The following CDH12 variants were observed in gnomAD, a reference collection of about 807,000 sequenced individuals.
The protein encoded by CDH12 is cadherin 12.
A neutral mutation model predicts 74.1 loss-of-function variants in CDH12; 41 were observed. The ratio of observed to expected loss-of-function variants is 0.55; its 90% confidence interval spans 0.43 to 0.72. The LOEUF is 0.72. Ranked by LOEUF, CDH12 falls within the 30% of genes least tolerant of loss-of-function variation. CDH12 has a pLI of 0.00. For synonymous variants in CDH12, 399 were observed against 355.0 expected (o/e 1.12, Z -1.39); for missense variants, 945 against 977.2 (o/e 0.97, Z 0.44).
intron 3 of CDH12, among the ~76,000 whole-genome samples, chr5:22,267,399 T>C (rs1032811686): frequency 1.3e-5 from 2 of 152,160 alleles, no homozygotes; most frequent in Non-Finnish European, 2.9e-5. Context: ...GTGAATTGGT[T>C]ATTTGGTTTA....
intron 1 of CDH12, among the ~76,000 whole-genome samples, chr5:22,692,644 A>G (rs1474732138): frequency 6.6e-6 from 1 of 152,236 alleles, no homozygotes; most frequent in South Asian, 2.1e-4. Context: ...CTGACAATGC[A>G]TGCTACAGCA....
intron 1 of CDH12, among the ~76,000 whole-genome samples, chr5:22,542,896 T>C (rs1167621242): frequency 1.3e-5 from 2 of 152,148 alleles, no homozygotes; most frequent in Non-Finnish European, 2.9e-5. Context: ...AATAGGCAAA[T>C]AGTAATAAAT....
intron 4 of CDH12, among the ~76,000 whole-genome samples, chr5:22,192,822 G>A (rs1323021011): frequency 1.3e-5 from 2 of 152,292 alleles, no homozygotes; most frequent in East Asian, 1.9e-4. Flanking sequence ...GAACACAGCT[G>A]GGGAGGCTAC....
At chr5:22,776,254 A>C (rs868114851) in intron 1 of CDH12, among the ~76,000 whole-genome samples, 3 of 152,176 alleles carry the variant, frequency 2.0e-5, no homozygotes, top group Non-Finnish European at 2.9e-5. Context: ...AATAATTATA[A>C]AGCTCTGGGT....
intron 3 of CDH12, among the ~76,000 whole-genome samples, chr5:22,343,758 G>A (rs1430039841): frequency 1.3e-5 from 2 of 152,126 alleles, no homozygotes; most frequent in Non-Finnish European, 2.9e-5. Flanking sequence ...GATTTCCATG[G>A]TAATTAGAAA....
At chr5:22,383,006 G>A (rs1339981595) in intron 3 of CDH12, among the ~76,000 whole-genome samples, 1 of 151,954 alleles carries the variant, frequency 6.6e-6, no homozygotes, top group African/African-American at 2.4e-5. Context: ...CATTTTTTGT[G>A]TTTTTAGTAA....
Position 21,752,113 on chromosome 5 carries a change from G to T in CDH12, c.2009C>A (p.Thr670Asn). Residue 670 changes from threonine (T) to asparagine (N), a missense_variant, in exon 15 of 15, where the codon ACC (threonine) becomes AAC (asparagine). Physicochemically the swap from Thr to Asn is moderately conservative, Grantham distance 65. Around this residue, in one of 3 missense-constraint regions of CDH12, gnomAD observed 791 missense variants for 792.8 expected, o/e 1.00. Transcript: ENST00000382254. ...YDDEGGGEEDTQAFDIGALRN... is the reference protein window; with the variant it reads ...YDDEGGGEEDNQAFDIGALRN... ...CAGAGCCCCGATGTCGAAAGCCTGG[G>T]TATCTTCCTCCCCACCTCCTTCATC... 6.2e-7 allele frequency: 1 copy of T among 1,614,060 alleles called. No individual in the cohort carries two copies. The highest frequency in any genetic ancestry group is 8.5e-7 in the Non-Finnish European group (1 of 1,180,012).
intron 3 of CDH12, among the ~76,000 whole-genome samples, chr5:22,367,438 C>T (rs149307997): frequency 2.6e-5 from 4 of 152,172 alleles, no homozygotes; most frequent in Non-Finnish European, 4.4e-5. Context: ...TTTGTGTTTC[C>T]ACAAACATTT....
intron 3 of CDH12, among the ~76,000 whole-genome samples, chr5:22,247,069 TCA>T (rs1752971633): frequency 6.6e-6 from 1 of 152,226 alleles, no homozygotes; most frequent in Non-Finnish European, 1.5e-5. Flanking sequence ...TTTGGATTAC[TCA>T]CACTTAGGTA....
chr5:22,101,714 A>C (rs1392292785), intron 4 of CDH12, among the ~76,000 whole-genome samples: 1 of 152,212 alleles, frequency 6.6e-6, no homozygotes, highest in Non-Finnish European at 1.5e-5. Flanking sequence ...TTTATAAACT[A>C]AAAGAAGTAG....
intron 3 of CDH12, among the ~76,000 whole-genome samples, chr5:22,345,693 G>A (rs1230237340): frequency 6.6e-6 from 1 of 151,820 alleles, no homozygotes; most frequent in Non-Finnish European, 1.5e-5. Context: ...AAATTCATAT[G>A]TCTTCACTTT....
intron 5 of CDH12, among the ~76,000 whole-genome samples, chr5:22,070,054 C>G (rs145437038): frequency 5.9e-5 from 9 of 152,254 alleles, no homozygotes; most frequent in African/African-American, 1.9e-4. Context: ...ATAATCATTA[C>G]AAGTACTTCT....
chr5:22,810,236 T>G (rs1183716345), intron 1 of CDH12, among the ~76,000 whole-genome samples: 1 of 152,178 alleles, frequency 6.6e-6, no homozygotes. Context: ...ATCATTTTAG[T>G]ATTTTATTCA....
intron 1 of CDH12, among the ~76,000 whole-genome samples, chr5:22,667,105 G>C (rs1740664424): frequency 6.6e-6 from 1 of 152,178 alleles, no homozygotes; most frequent in African/African-American, 2.4e-5. Flanking sequence ...ATTAAGTAAT[G>C]AGCACTTTCT....
At chr5:22,377,989 G>T (rs903846846) in intron 3 of CDH12, among the ~76,000 whole-genome samples, 8 of 152,224 alleles carry the variant, frequency 5.3e-5, no homozygotes, top group Non-Finnish European at 8.8e-5. Flanking sequence ...GAGAAATATT[G>T]TTTTCAGGTT....
rs931176467 is a variant in CDH12 at position 22,029,604 on chromosome 5, C to G, written c.231+48842G>C. On this transcript the variant is annotated intron_variant, in intron 5 of 14. Transcript: ENST00000382254. Reference sequence around the variant, plus strand: ...GTTAGAATGGCAATCATTAAAAAGTCAGGAAACAACAGGTGATAGAGATGA... The same window carrying G: ...GTTAGAATGGCAATCATTAAAAAGTGAGGAAACAACAGGTGATAGAGATGA... 7.2e-5 allele frequency among the ~76,000 whole-genome samples: 11 copies of G among 152,092 alleles called. 1 individual carries two copies. Among genetic ancestry groups the G allele is most frequent in the Non-Finnish European group, 1.3e-4 (9 of 68,032 alleles).
intron 4 of CDH12, among the ~76,000 whole-genome samples, chr5:22,113,553 A>G (rs1744932199): frequency 6.6e-6 from 1 of 152,104 alleles, no homozygotes; most frequent in Non-Finnish European, 1.5e-5. Context: ...TTTCTGGACC[A>G]AACCAATGTA....
intron 2 of CDH12, among the ~76,000 whole-genome samples, chr5:22,441,338 G>A (rs1166752648): frequency 2.0e-5 from 3 of 152,122 alleles, no homozygotes; most frequent in South Asian, 2.1e-4. Context: ...ATATTTATCT[G>A]AAAGTGTGTT....
chr5:22,716,932 G>A (rs1278322865), intron 1 of CDH12, among the ~76,000 whole-genome samples: 1 of 152,052 alleles, frequency 6.6e-6, no homozygotes, highest in Non-Finnish European at 1.5e-5. Flanking sequence ...AGGATATAAA[G>A]GATATCATAT....
Sources: gnomAD v4.1 joint callset for allele counts (sites outside exome capture counted in the v4.1 genomes callset) on GRCh38, gnomAD v4.1.1 for gene constraint, gnomAD v4.1.1 regional missense constraint, MANE v1.5 for transcripts, NCBI Gene and HGNC (gene_info 2026-07-23, HGNC 2026-07-21) for gene names.